The following GMDS variants were observed in gnomAD, a reference collection of about 807,000 sequenced individuals.
GMDS encodes the protein GDP-mannose 4,6 dehydratase.
A neutral mutation model predicts 49.9 loss-of-function variants in GMDS; 20 were observed. That is an observed-to-expected ratio of 0.40 (90% CI 0.28 to 0.58). The LOEUF (loss-of-function observed/expected upper bound fraction) is 0.58. GMDS is among the 20% of genes least tolerant of loss of function. GMDS has a pLI of 0.42. For synonymous variants in GMDS, 177 were observed against 178.6 expected (o/e 0.99, Z 0.07); for missense variants, 362 against 481.4 (o/e 0.75, Z 2.32).
chr6:1,920,526 G>C (rs548087700), intron 7 of GMDS, among the ~76,000 whole-genome samples: 2 of 152,168 alleles, frequency 1.3e-5, no homozygotes, highest in Non-Finnish European at 2.9e-5. Context: ...TTGCAAATAC[G>C]TTTTGCCCTC....
intron 4 of GMDS, among the ~76,000 whole-genome samples, chr6:1,990,495 ATCAG>A (rs1411584950): frequency 6.6e-6 from 1 of 152,132 alleles, no homozygotes. Flanking sequence ...TTCTCTGTTG[ATCAG>A]TCAATTAACC....
At chr6:2,021,636 T>C (rs1768282376) in intron 4 of GMDS, among the ~76,000 whole-genome samples, 1 of 152,234 alleles carries the variant, frequency 6.6e-6, no homozygotes, top group African/African-American at 2.4e-5. Flanking sequence ...CCTCAGTTCC[T>C]AAAACTCTAA....
At chr6:1,751,842 A>G (rs1158345841) in intron 7 of GMDS, among the ~76,000 whole-genome samples, 2 of 152,180 alleles carry the variant, frequency 1.3e-5, no homozygotes, top group African/African-American at 4.8e-5. Context: ...CATCAACATC[A>G]ACAAAAAGAA....
At position 2,191,279 on chromosome 6, in the gene GMDS, G is replaced by A. The variant is rs1199792932; in HGVS notation, c.102+54042C>T. On this transcript the variant is annotated intron_variant, in intron 1 of 10. Coordinates refer to ENST00000380815, the MANE Select transcript of GMDS (RefSeq NM_001500.4). The surrounding 1 kb of genome is among the most constrained non-coding windows in gnomAD (Gnocchi z 4.6). ...GGAAGGGCCGCAAGCGGGATGAGGG[G>A]GAGCTCTAGGCTGCCCCTGAGTGCG... 2.0e-5 allele frequency among the ~76,000 whole-genome samples: 3 copies of A among 152,096 alleles called. No homozygotes were observed. Among genetic ancestry groups the A allele is most frequent in the Non-Finnish European group, 2.9e-5 (2 of 67,974 alleles).
intron 4 of GMDS, among the ~76,000 whole-genome samples, chr6:2,094,319 C>T (rs567143226): frequency 5.3e-5 from 8 of 152,312 alleles, no homozygotes; most frequent in African/African-American, 1.9e-4. Context: ...TACAAGATTG[C>T]AACTTAACAA....
At chr6:1,728,477 G>A (rs565873637) in intron 8 of GMDS, among the ~76,000 whole-genome samples, 5 of 152,074 alleles carry the variant, frequency 3.3e-5, no homozygotes, top group Non-Finnish European at 5.9e-5. Flanking sequence ...CTGATTTTTC[G>A]CCTGTAGCTG....
chr6:1,972,263 T>G (rs1330746839), intron 4 of GMDS, among the ~76,000 whole-genome samples: 1 of 38,808 alleles, frequency 2.6e-5, no homozygotes, highest in Non-Finnish European at 5.6e-5. Flanking sequence ...TGGGTTTTTG[T>G]TTTTTTTTTT....
intron 4 of GMDS, among the ~76,000 whole-genome samples, chr6:2,079,710 C>T (rs981638887): frequency 6.6e-6 from 1 of 152,072 alleles, no homozygotes; most frequent in Non-Finnish European, 1.5e-5. Flanking sequence ...TGACTAGGCA[C>T]TTTTCTCTTG....
rs190738657 is a variant in GMDS at position 1,774,882 on chromosome 6, T to C, written c.772-32296A>G. On this transcript the variant is annotated intron_variant, in intron 7 of 10. Transcript: ENST00000380815. ...GAACTGAGTTTCAGAGAGCTGAAGGTGGGCAGTTCATCAGAGGCAAGGCCA... is the reference window on the plus strand; with the variant it reads ...GAACTGAGTTTCAGAGAGCTGAAGGCGGGCAGTTCATCAGAGGCAAGGCCA... Among the ~76,000 whole-genome samples, 6 of 152,300 alleles carry C rather than the reference T, an allele frequency of 3.9e-5. No homozygotes were observed. The East Asian group carries it at 1.2e-3, about 29-fold the overall frequency.
intron 8 of GMDS, 39 bp from the exon 9 acceptor site, chr6:1,726,551 T>C (rs747331496): frequency 1.4e-6 from 2 of 1,440,386 alleles, no homozygotes; most frequent in East Asian, 4.5e-5. Flanking sequence ...TCCTAATTGC[T>C]TGGGAACATT....
chr6:1,951,660 G>T (rs1763347822), intron 6 of GMDS, among the ~76,000 whole-genome samples: 1 of 138,206 alleles, frequency 7.2e-6, no homozygotes, highest in Non-Finnish European at 1.5e-5. Context: ...GCCTCCCAAA[G>T]TGCTGGAATT....
intron 6 of GMDS, among the ~76,000 whole-genome samples, chr6:1,956,295 A>G (rs886309710): frequency 2.0e-5 from 3 of 152,198 alleles, no homozygotes; most frequent in African/African-American, 7.2e-5. Context: ...ATGATATATA[A>G]ACAAGTGCAT....
chr6:1,715,242 G>A (rs919939908), intron 9 of GMDS, among the ~76,000 whole-genome samples: 2 of 152,132 alleles, frequency 1.3e-5, no homozygotes, highest in African/African-American at 4.8e-5. Context: ...ATCTTGCCAT[G>A]GAATCTCAAA....
chr6:1,785,553 G>A (rs3800067), intron 7 of GMDS, among the ~76,000 whole-genome samples: 4 of 152,206 alleles, frequency 2.6e-5, no homozygotes, highest in East Asian at 3.9e-4. Flanking sequence ...CCCTCGCCAC[G>A]TGGGCCCCCT....
intron 9 of GMDS, among the ~76,000 whole-genome samples, chr6:1,694,307 G>A (rs1765267514): frequency 6.6e-6 from 1 of 152,024 alleles, no homozygotes; most frequent in Non-Finnish European, 1.5e-5. Context: ...TTTTAGCATT[G>A]TTAAAAAAGA....
intron 1 of GMDS, among the ~76,000 whole-genome samples, chr6:2,129,644 A>T (rs1426009436): frequency 2.0e-5 from 3 of 152,146 alleles, no homozygotes; most frequent in Non-Finnish European, 4.4e-5. Flanking sequence ...ATGTTCTTTA[A>T]CTCCATGTTG....
chr6:2,233,745 G>A lies in GMDS; in HGVS notation c.102+11576C>T, dbSNP rs186951598. On this transcript the variant is annotated intron_variant, in intron 1 of 10. Coordinates refer to ENST00000380815, the MANE Select transcript of GMDS (RefSeq NM_001500.4). ...TGAGGGATGAGACTCTCTTGATCCCGGTGGGGGGCGCCGAAGTTGCAGTGG... is the reference window on the plus strand; with the variant it reads ...TGAGGGATGAGACTCTCTTGATCCCAGTGGGGGGCGCCGAAGTTGCAGTGG... 1.1e-3 allele frequency among the ~76,000 whole-genome samples: 168 copies of A among 152,278 alleles called. 2 individuals carry two copies. Among genetic ancestry groups the A allele is most frequent in the Admixed American group, 9.9e-3 (152 of 15,298 alleles).
intron 9 of GMDS, among the ~76,000 whole-genome samples, chr6:1,685,942 C>A (rs1483295092): frequency 6.6e-6 from 1 of 152,184 alleles, no homozygotes; most frequent in Non-Finnish European, 1.5e-5. Flanking sequence ...TTGGCATAGA[C>A]GTGCATGCCC....
At chr6:1,830,345 T>C (rs1771298158) in intron 7 of GMDS, among the ~76,000 whole-genome samples, 1 of 152,232 alleles carries the variant, frequency 6.6e-6, no homozygotes, top group African/African-American at 2.4e-5. Flanking sequence ...TAGCAACTTC[T>C]ACCCACTAGG....
Sources: allele counts gnomAD v4.1 joint callset (sites outside exome capture counted in the v4.1 genomes callset), GRCh38; gene constraint gnomAD v4.1.1; non-coding constraint Gnocchi (gnomAD v3.1); transcripts MANE v1.5; gene names NCBI Gene and HGNC (gene_info 2026-07-23, HGNC 2026-07-21).